RGS6: variants seen among roughly 807,000 people sequenced by gnomAD.
RGS6 encodes the protein regulator of G protein signaling 6.
RGS6 carries 30 observed loss-of-function variants against 78.5 expected under a neutral mutation model. The observed-to-expected ratio is 0.38, with a 90% CI of 0.29 to 0.52. The LOEUF is 0.52. Among genes scored for constraint, RGS6 ranks in the 20% least tolerant of loss-of-function variants. The pLI is 0.85. For missense variants in RGS6, 495 were observed against 609.7 expected (o/e 0.81, Z 1.98); for synonymous variants, 206 against 206.0 (o/e 1.00, Z 0.00).
chr14:72,246,693 C>T (rs770554171), intron 2 of RGS6, among the ~76,000 whole-genome samples: 1 of 152,070 alleles, frequency 6.6e-6, no homozygotes, highest in Admixed American at 6.5e-5. Context: ...GCAGACCACC[C>T]GAGGTCAGGA....
chr14:72,440,974 T>G (rs1007747544), intron 3 of RGS6, among the ~76,000 whole-genome samples: 2 of 152,292 alleles, frequency 1.3e-5, no homozygotes, highest in South Asian at 2.1e-4. Flanking sequence ...GTGTTGCATC[T>G]GTGCGTGTGT....
intron 2 of RGS6, among the ~76,000 whole-genome samples, chr14:72,182,348 G>A (rs113791700): frequency 2.7e-5 from 4 of 149,964 alleles, no homozygotes; most frequent in African/African-American, 9.8e-5. Context: ...GCTGAGGCAG[G>A]AGAATCGCTT....
intron 3 of RGS6, among the ~76,000 whole-genome samples, chr14:72,428,805 C>T (rs538069634): frequency 6.6e-6 from 1 of 152,286 alleles, no homozygotes; most frequent in African/African-American, 2.4e-5. Context: ...AAAAGGAATC[C>T]ACCCTTTCCA....
intron 3 of RGS6, among the ~76,000 whole-genome samples, chr14:72,453,205 G>T (rs561658819): frequency 1.3e-5 from 2 of 152,270 alleles, no homozygotes; most frequent in East Asian, 1.9e-4. Flanking sequence ...GGCTGGGTAG[G>T]GGGGAGTTTG....
chr14:72,185,574 A>G (rs2097230566), intron 2 of RGS6, among the ~76,000 whole-genome samples: 1 of 152,224 alleles, frequency 6.6e-6, no homozygotes, highest in South Asian at 2.1e-4. Flanking sequence ...ACTAGTGTAG[A>G]GTGTGAATTA....
intron 2 of RGS6, among the ~76,000 whole-genome samples, chr14:71,988,322 A>G (rs1186246229): frequency 6.6e-6 from 1 of 152,184 alleles, no homozygotes; most frequent in Admixed American, 6.5e-5. Context: ...GGCTGATGAC[A>G]TGTTACAACT....
chr14:71,932,079 T>A (rs36323), upstream of RGS6, among the ~76,000 whole-genome samples: 9,192 of 152,264 alleles, frequency 0.06, 381 homozygotes, highest in Non-Finnish European at 0.091. Context: ...CGCTGAAGTT[T>A]CCGGACCGGG....
the RGS6 span, chr14:72,619,270 G>C: frequency 6.5e-7 from 1 of 1,534,758 alleles, no homozygotes; most frequent in Non-Finnish European, 8.7e-7. Flanking sequence ...ATCTCCAGCA[G>C]CGAGTCACAT....
chr14:71,941,799 C>T (rs141368623), intron 1 of RGS6, among the ~76,000 whole-genome samples: 2 of 152,220 alleles, frequency 1.3e-5, no homozygotes, highest in African/African-American at 4.8e-5. Context: ...TTTTGGGCAA[C>T]ACCCACACAG....
chr14:72,328,637 A>AACT (rs2074317463), intron 2 of RGS6, among the ~76,000 whole-genome samples: 2 of 152,170 alleles, frequency 1.3e-5, no homozygotes, highest in South Asian at 4.1e-4. Flanking sequence ...AACTGGAGAC[A>AACT]GGATACCAAG....
chr14:72,484,529 T>G (rs1393886518), intron 12 of RGS6, among the ~76,000 whole-genome samples: 1 of 151,082 alleles, frequency 6.6e-6, no homozygotes, highest in East Asian at 1.9e-4. Context: ...TTTTGTGTGG[T>G]TTTTTTTTGG....
At chr14:72,087,164 T>C (rs1165006172) in intron 2 of RGS6, among the ~76,000 whole-genome samples, 1 of 152,202 alleles carries the variant, frequency 6.6e-6, no homozygotes, top group African/African-American at 2.4e-5. Context: ...GGAGTCTCAC[T>C]CTGTTGCTCA....
intron 2 of RGS6, among the ~76,000 whole-genome samples, chr14:72,262,878 G>A (rs1225870728): frequency 1.3e-5 from 2 of 152,098 alleles, no homozygotes; most frequent in Non-Finnish European, 2.9e-5. Flanking sequence ...CTTGAGCTCT[G>A]TGTCCCCCCA....
At chr14:72,616,118 T>C in the RGS6 span, among the ~76,000 whole-genome samples, 99,067 of 152,060 alleles carry the variant, frequency 0.65, 33,471 homozygotes, top group East Asian at 0.99. Context: ...AATGTCACCT[T>C]GAATACCTGC....
intron 3 of RGS6, among the ~76,000 whole-genome samples, chr14:72,434,791 C>T (rs1277604481): frequency 6.6e-6 from 1 of 152,170 alleles, no homozygotes; most frequent in African/African-American, 2.4e-5. Context: ...TCATTCTCTT[C>T]CTTTGTTCAA....
intron 7 of RGS6, among the ~76,000 whole-genome samples, chr14:72,468,315 G>A (rs1467918947): frequency 6.6e-6 from 1 of 151,110 alleles, no homozygotes; most frequent in African/African-American, 2.4e-5. Flanking sequence ...GGAGGCGGAG[G>A]TTGTGAGCCA....
chr14:71,868,508 A>T, the RGS6 span, among the ~76,000 whole-genome samples: 1 of 152,230 alleles, frequency 6.6e-6, no homozygotes, highest in Non-Finnish European at 1.5e-5. Flanking sequence ...AAAGTTGTCC[A>T]GTTGACCATA....
chr14:71,936,911 C>T (rs1222591116), intron 1 of RGS6, among the ~76,000 whole-genome samples: 2 of 152,206 alleles, frequency 1.3e-5, no homozygotes, highest in Non-Finnish European at 2.9e-5. Flanking sequence ...CTTTTGCCTA[C>T]AGCAAGCACC....
At chr14:72,437,147 C>T (rs895618311) in intron 3 of RGS6, among the ~76,000 whole-genome samples, 3 of 139,898 alleles carry the variant, frequency 2.1e-5, no homozygotes, top group African/African-American at 8.0e-5. Flanking sequence ...CATGGTGAAA[C>T]CCCGTCTTTA....
Sources: allele counts gnomAD v4.1 joint callset (sites outside exome capture counted in the v4.1 genomes callset), GRCh38; gene constraint gnomAD v4.1.1; transcripts MANE v1.5; gene names NCBI Gene and HGNC (gene_info 2026-07-23, HGNC 2026-07-21).